The following PRKAG2 variants were observed in gnomAD, a reference collection of about 807,000 sequenced individuals.
The protein encoded by PRKAG2 is 5'-AMP-activated protein kinase subunit gamma-2.
A neutral mutation model predicts 69.6 loss-of-function variants in PRKAG2; 26 were observed. That is an observed-to-expected ratio of 0.37 (90% CI 0.27 to 0.52). The LOEUF (loss-of-function observed/expected upper bound fraction) is 0.52, where lower values mean the gene tolerates loss of function less well. PRKAG2 is among the 20% of genes least tolerant of loss of function. The probability of loss-of-function intolerance (pLI) is 0.90; values close to 1 mark genes in which losing one functional copy is unlikely to be tolerated. For synonymous variants in PRKAG2, 293 were observed against 285.0 expected, an observed-to-expected ratio of 1.03 and a Z score of -0.28; for missense variants, 557 against 740.0, an observed-to-expected ratio of 0.75 and a Z score of 2.87.
chr7:151,863,108 G>A (rs887595256), intron 1 of PRKAG2, among the ~76,000 whole-genome samples: 2 of 150,938 alleles, frequency 1.3e-5, no homozygotes, highest in Non-Finnish European at 3.0e-5. Flanking sequence ...CGGGTGCAGG[G>A]ACCACTGGTA....
chr7:151,559,805 T>A lies in PRKAG2; in HGVS notation c.1678+719A>T, dbSNP rs79012002. ...CATGTGGCCCTGACAAAGGCTGGGT[T>A]GTTCATATTTGACTGGGGCTGGGGA... On this transcript the variant is annotated intron_variant, in intron 15 of 15. Coordinates refer to ENST00000287878, the MANE Select transcript of PRKAG2 (RefSeq NM_016203.4). 2.3e-4 allele frequency: 228 copies of A among 985,278 alleles called. 3 individuals are homozygous for A. In the East Asian group the frequency reaches 0.018, roughly 77 times the overall value. 61.0% of individuals were successfully genotyped at this position (985,278 alleles called of 1,614,324 possible).
intron 3 of PRKAG2, among the ~76,000 whole-genome samples, chr7:151,722,765 C>T (rs1797323839): frequency 6.6e-6 from 1 of 152,100 alleles, no homozygotes; most frequent in Non-Finnish European, 1.5e-5. Flanking sequence ...CCGGCTGTCA[C>T]AGGCACTTCT....
chr7:151,619,238 A>C (rs2151263744), intron 5 of PRKAG2, among the ~76,000 whole-genome samples: 1 of 152,316 alleles, frequency 6.6e-6, no homozygotes, highest in Middle Eastern at 3.4e-3. Flanking sequence ...AGGGAAGAAA[A>C]CCCAGTGATG....
chr7:151,666,745 T>C (rs530620249), intron 4 of PRKAG2, among the ~76,000 whole-genome samples: 212 of 152,320 alleles, frequency 1.4e-3, no homozygotes, highest in Non-Finnish European at 2.6e-3. Flanking sequence ...CTGGGCCTAA[T>C]GAAACTTCTT....
At chr7:151,764,499 ACTTT>A (rs1254685843) in intron 3 of PRKAG2, among the ~76,000 whole-genome samples, 1 of 152,194 alleles carries the variant, frequency 6.6e-6, no homozygotes, top group Non-Finnish European at 1.5e-5. Flanking sequence ...CCCGCCCAGT[ACTTT>A]CTGACTGTCC....
chr7:151,573,183 G>C, intron 8 of PRKAG2, among the ~76,000 whole-genome samples: 1 of 147,086 alleles, frequency 6.8e-6, no homozygotes, highest in Non-Finnish European at 1.5e-5. Context: ...TTTGAGACAA[G>C]GTCTCATTCT....
At chr7:151,683,201 G>C (rs1046161135) in intron 3 of PRKAG2, among the ~76,000 whole-genome samples, 3 of 152,252 alleles carry the variant, frequency 2.0e-5, no homozygotes, top group African/African-American at 7.2e-5. Context: ...GGAGCCATGG[G>C]CTGGTGACTT....
At chr7:151,675,352 G>A (rs1324040689) in intron 4 of PRKAG2, 68 bp downstream of exon 4, 2 of 1,452,978 alleles carry the variant, frequency 1.4e-6, no homozygotes, top group African/African-American at 2.8e-5. Flanking sequence ...TGCTCAGCTT[G>A]GGGCAATAAC....
Position 151,836,512 on chromosome 7 carries a change from A to T in PRKAG2, c.114+39995T>A, listed in dbSNP as rs180976864. On this transcript the variant is annotated intron_variant, in intron 1 of 15. Coordinates refer to ENST00000287878, the MANE Select transcript of PRKAG2 (RefSeq NM_016203.4). The surrounding 1 kb of genome is among the most constrained non-coding windows in gnomAD (Gnocchi z 4.1). ...AAAAACAACAACAACAACAAAGGCA[A>T]GGTGGACCCATCGCTGGCTCCTCTG... 6.6e-6 allele frequency among the ~76,000 whole-genome samples: 1 copy of T among 152,346 alleles called. No individual in the cohort carries two copies. Among genetic ancestry groups the T allele is most frequent in the Non-Finnish European group, 1.5e-5 (1 of 68,028 alleles).
In PRKAG2 at chr7:151,685,168, T is replaced by G. The variant is rs73728250; in HGVS notation, c.467-9531A>C. On this transcript the variant is annotated intron_variant, in intron 3 of 15. Transcript: ENST00000287878. ...CAGGGTGGGAGTGGCGAGGTCATCT[T>G]CAAGACCATTCTACCATTCTCCACC... Among the ~76,000 whole-genome samples the G allele has an allele frequency of 3.5e-3, 535 of 152,280 alleles. 5 individuals carry two copies. The highest frequency in any genetic ancestry group is 0.012 in the African/African-American group (508 of 41,550).
intron 3 of PRKAG2, chr7:151,736,311 A>G (rs1211396757): frequency 8.4e-7 from 1 of 1,189,380 alleles, no homozygotes; most frequent in Non-Finnish European, 1.1e-6. Context: ...AAGCTGCCGG[A>G]AGCGCAAACA....
chr7:151,857,129 G>GA (rs34768438), intron 1 of PRKAG2, among the ~76,000 whole-genome samples: 1,771 of 122,712 alleles, frequency 0.014, 39 homozygotes, highest in East Asian at 0.07. Flanking sequence ...ATCATTGCTG[G>GA]AAAAAAAAAA....
At chr7:151,615,579 T>C (rs956357602) in intron 5 of PRKAG2, among the ~76,000 whole-genome samples, 1 of 152,120 alleles carries the variant, frequency 6.6e-6, no homozygotes, top group Admixed American at 6.5e-5. Flanking sequence ...CTAAGTAAAC[T>C]TAAGAGCTTC....
In PRKAG2 at chr7:151,631,809, C is replaced by A. The variant is rs117643643; in HGVS notation, c.754+260G>T. The stretch of plus-strand genomic sequence containing the variant: ...GGCGAGTAAGGACAAAAGGGCCGCC[C>A]GTCCGTGTGGATGCCGGGCTCAGGG... On this transcript the variant is annotated intron_variant, in intron 5 of 15. Coordinates refer to ENST00000287878, the MANE Select transcript of PRKAG2 (RefSeq NM_016203.4). The A allele has an allele frequency of 3.0e-4, 150 of 493,546 alleles. 1 individual carries two copies. The East Asian group carries it at 8.8e-3, about 29-fold the overall frequency. The allele number at this position is 493,546 out of a possible 1,614,324, so 30.6% of individuals were successfully genotyped here.
intron 1 of PRKAG2, among the ~76,000 whole-genome samples, chr7:151,831,670 A>G (rs567265154): frequency 6.6e-6 from 1 of 152,144 alleles, no homozygotes; most frequent in African/African-American, 2.4e-5. Flanking sequence ...TCTGATATTC[A>G]TTTGTATGTT....
intron 3 of PRKAG2, among the ~76,000 whole-genome samples, chr7:151,697,031 G>T (rs1836792218): frequency 6.6e-6 from 1 of 152,214 alleles, no homozygotes; most frequent in South Asian, 2.1e-4. Context: ...GAGGCAGGCA[G>T]GTGGCCAGTC....
intron 1 of PRKAG2, among the ~76,000 whole-genome samples, chr7:151,795,390 C>T (rs545627644): frequency 7.2e-4 from 109 of 152,106 alleles, no homozygotes; most frequent in Middle Eastern, 3.4e-3. Context: ...TGCAGGTTGC[C>T]GCCTCCATCC....
At chr7:151,675,788 C>A (rs1304016602) in intron 3 of PRKAG2, 151 bp from the exon 4 acceptor site, 2 of 773,886 alleles carry the variant, frequency 2.6e-6, no homozygotes, top group Non-Finnish European at 4.5e-6. Flanking sequence ...AGAGGTCCGG[C>A]CTCCAGGAAG....
rs760796110 is a variant in PRKAG2, at chr7:151,632,054, G to A, written c.754+15C>T. On this transcript the variant is annotated intron_variant, in intron 5 of 15. Transcript: ENST00000287878. This position sits in a 1 kb window ranked among gnomAD's most constrained non-coding sequence, Gnocchi z 4.2. ...CGTGGGAGCGCCGGGCCGGCAGCGGGCGGGGCGCACTCACCTTCGTCCTCG... is the reference window on the plus strand; with the variant it reads ...CGTGGGAGCGCCGGGCCGGCAGCGGACGGGGCGCACTCACCTTCGTCCTCG... 11 of 1,371,946 alleles carry A rather than the reference G, an allele frequency of 8.0e-6. No homozygotes were observed. The Admixed American group carries it at 1.4e-4, about 17-fold the overall frequency. The allele number at this position is 1,371,946 out of a possible 1,614,324, so 85.0% of individuals were successfully genotyped here.
Sources: allele counts gnomAD v4.1 joint callset (sites outside exome capture counted in the v4.1 genomes callset), GRCh38; gene constraint gnomAD v4.1.1; non-coding constraint Gnocchi (gnomAD v3.1); transcripts MANE v1.5; gene names NCBI Gene and HGNC (gene_info 2026-07-23, HGNC 2026-07-21).